Variants in MEGF8 observed in about 807,000 individuals in gnomAD.
The protein encoded by MEGF8 is multiple epidermal growth factor-like domains protein 8.
A neutral mutation model predicts 302.9 loss-of-function variants in MEGF8; 156 were observed. That is an observed-to-expected ratio of 0.52 (90% CI 0.45 to 0.59). The LOEUF (loss-of-function observed/expected upper bound fraction) is 0.59. Among genes scored for constraint, MEGF8 ranks in the 20% least tolerant of loss-of-function variants. MEGF8 has a pLI of 0.00. For missense variants in MEGF8, 3,345 were observed against 3,964.5 expected (o/e 0.84, Z 4.20); for synonymous variants, 1,621 against 1,660.5 (o/e 0.98, Z 0.58).
intron 5 of MEGF8, 107 bp downstream of exon 5, chr19:42,335,492 C>G: frequency 3.0e-6 from 3 of 984,014 alleles, no homozygotes; most frequent in Non-Finnish European, 4.6e-6. Context: ...GTTCCTGCAG[C>G]TTGATATAGG....
Position 42,326,110 on chromosome 19 carries a change from C to T in MEGF8, c.-134C>T, listed in dbSNP as rs2038980106. ...ACCCTTCGCCGGGACTGCCGGGTCT[C>T]CGGGACCTCTTCGATCTACAAGGTC... On this transcript the variant is annotated 5_prime_UTR_variant, in exon 1 of 42. Coordinates refer to ENST00000251268, the MANE Select transcript of MEGF8 (RefSeq NM_001271938.2). 4 of 1,343,864 alleles carry T rather than the reference C, an allele frequency of 3.0e-6. 1 individual carries two copies. In the South Asian group the frequency reaches 7.9e-5, roughly 26 times the overall value. The allele number at this position is 1,343,864 out of a possible 1,614,324, so 83.2% of individuals were successfully genotyped here.
intron 8 of MEGF8, among the ~76,000 whole-genome samples, chr19:42,339,535 A>T (rs1011985320): frequency 6.6e-6 from 1 of 152,088 alleles, no homozygotes; most frequent in Non-Finnish European, 1.5e-5. Flanking sequence ...ATGTCTGTTC[A>T]TGTCCTTTGT....
Position 42,352,194 on chromosome 19 carries a change from C to T in MEGF8, c.3102-14C>T, listed in dbSNP as rs2039384642. 6.6e-7 allele frequency: 1 copy of T among 1,508,320 alleles called. No individual in the cohort carries two copies. The highest frequency in any genetic ancestry group is 1.3e-5 in the South Asian group (1 of 78,064). The allele number at this position is 1,508,320 out of a possible 1,614,324, so 93.4% of individuals were successfully genotyped here. A position where few individuals can be genotyped will look rare whatever the true frequency, so the allele number is the denominator to read the frequency against. On this transcript the variant is annotated splice_polypyrimidine_tract_variant and intron_variant, in intron 18 of 41. Coordinates refer to ENST00000251268, the MANE Select transcript of MEGF8 (RefSeq NM_001271938.2). The surrounding 1 kb of genome is among the most constrained non-coding windows in gnomAD (Gnocchi z 4.4). ...CTATGTTGTCCCCCGCTTCTTCACT[C>T]TCCCACCCTGCAGGTGCCTACAGGG...
Position 42,348,341 on chromosome 19 carries a change from C to G in MEGF8, c.2167C>G (p.Arg723Gly). The G allele has an allele frequency of 6.5e-7, 1 of 1,537,504 alleles. No homozygotes were observed. Among genetic ancestry groups the G allele is most frequent in the Non-Finnish European group, 8.7e-7 (1 of 1,146,972 alleles). Reference sequence around the variant, plus strand: ...AGAGACAGATGTGTCCCTGGTCTACCGTGGCTTCATCTACCCAATGCTGCC... The same window carrying G: ...AGAGACAGATGTGTCCCTGGTCTACGGTGGCTTCATCTACCCAATGCTGCC... Reference protein sequence around the residue: ...SAETDVSLVYRGFIYPMLPGG... With the variant: ...SAETDVSLVYGGFIYPMLPGG... The change falls in exon 13 of 42, where the codon CGT (arginine) becomes GGT (glycine). Residue 723 changes from arginine (R) to glycine (G), a missense_variant. Arg to Gly is a moderately radical substitution (Grantham distance 125). Coordinates refer to ENST00000251268, the MANE Select transcript of MEGF8 (RefSeq NM_001271938.2).
At chr19:42,339,544 G>A (rs1371163275) in intron 8 of MEGF8, among the ~76,000 whole-genome samples, 1 of 152,098 alleles carries the variant, frequency 6.6e-6, no homozygotes, top group African/African-American at 2.4e-5. Flanking sequence ...CATGTCCTTT[G>A]TCTACTTTTT....
chr19:42,360,809 T>G lies in MEGF8; in HGVS notation c.5523T>G (p.Ser1841=), dbSNP rs1224931768. Residue 1841 remains serine, a synonymous_variant, in exon 32 of 42, where the codon TCT becomes TCG. Coordinates refer to ENST00000251268, the MANE Select transcript of MEGF8 (RefSeq NM_001271938.2). The part of the protein sequence containing the change: ...SASVGPPMEE[S]VAHAVAAVGS... The stretch of plus-strand genomic sequence containing the variant: ...CTGTGGGGCCCCCAATGGAGGAGTC[T>G]GTGGCCCATGCTGTGGCAGCAGTCG... The G allele has an allele frequency of 5.0e-6, 8 of 1,603,660 alleles. No individual in the cohort carries two copies. In the East Asian group the frequency reaches 1.8e-4, roughly 36 times the overall value.
chr19:42,337,317 A>G (rs958002778), intron 8 of MEGF8, 111 bp downstream of exon 8: 28 of 1,468,690 alleles, frequency 1.9e-5, no homozygotes, highest in Middle Eastern at 2.5e-4. Flanking sequence ...CATCCAGGCC[A>G]GTTGGTGCCA....
At position 42,354,059 on chromosome 19, in the gene MEGF8, A is replaced by G; in HGVS notation, c.4011+35A>G. ...GAGGAAACGAGGGTTCAGGCGCATGAGCCAGAACCGTGTCCCCTGACCCAG... is the reference window on the plus strand; with the variant it reads ...GAGGAAACGAGGGTTCAGGCGCATGGGCCAGAACCGTGTCCCCTGACCCAG... On this transcript the variant is annotated intron_variant, in intron 22 of 41. Transcript: ENST00000251268. The surrounding 1 kb of genome is among the most constrained non-coding windows in gnomAD (Gnocchi z 4.3). The G allele has an allele frequency of 6.4e-7, 1 of 1,565,598 alleles. No individual in the cohort carries two copies.
In MEGF8 at chr19:42,353,981, C is replaced by A. The variant is rs189681080; in HGVS notation, c.3968C>A (p.Pro1323Gln). The stretch of plus-strand genomic sequence containing the variant: ...TGTGCTCCCGGGACCCTCTGTCCCC[C>A]ACTCACCCTCACCTTCTCCCCCGAC... ...QPCAPGTLCP[P>Q]LTLTFSPDSS... Residue 1323 changes from proline (P) to glutamine (Q), a missense_variant, in exon 22 of 42, where the codon CCA (proline) becomes CAA (glutamine). By Grantham distance (76) the Pro-to-Gln change is moderately conservative. Coordinates refer to ENST00000251268, the MANE Select transcript of MEGF8 (RefSeq NM_001271938.2). This position sits in a 1 kb window ranked among gnomAD's most constrained non-coding sequence, Gnocchi z 6.1. 1.8e-5 allele frequency: 28 copies of A among 1,582,404 alleles called. No individual in the cohort carries two copies. The highest frequency in any genetic ancestry group is 2.1e-5 in the Non-Finnish European group (25 of 1,164,668).
chr19:42,376,883 T>C lies in MEGF8; in HGVS notation c.*108T>C. The C allele has an allele frequency of 7.9e-7, 1 of 1,260,660 alleles. No individual in the cohort carries two copies. Among genetic ancestry groups the C allele is most frequent in the East Asian group, 2.9e-5 (1 of 35,072 alleles). The allele number at this position is 1,260,660 out of a possible 1,614,324, so 78.1% of individuals were successfully genotyped here. Reference sequence around the variant, plus strand: ...TGGACACTGTCTACTTGGAGACCACTGGCCCCCTTCCCCCAGGGTTGCCCA... The same window carrying C: ...TGGACACTGTCTACTTGGAGACCACCGGCCCCCTTCCCCCAGGGTTGCCCA... On this transcript the variant is annotated 3_prime_UTR_variant, in exon 42 of 42. Coordinates refer to ENST00000251268, the MANE Select transcript of MEGF8 (RefSeq NM_001271938.2). The surrounding 1 kb of genome is among the most constrained non-coding windows in gnomAD (Gnocchi z 8.2).
rs1195649417 is a variant in MEGF8 at position 42,354,684 on chromosome 19, C to T, written c.4108C>T (p.Arg1370Ter). ...CCTCATAGCTGCCTTCTGCGGCCAG[C>T]GACGGGACAGGCCCCTCACTGTTCA... ...RSLIAAFCGQ[R>*]RDRPLTVQAL... The change falls in exon 23 of 42, where the codon CGA becomes TGA. Residue 1370 changes from arginine to a stop codon, truncating the protein, a stop_gained. Coordinates refer to ENST00000251268, the MANE Select transcript of MEGF8 (RefSeq NM_001271938.2). LOFTEE classifies it high-confidence loss of function. The surrounding 1 kb of genome is among the most constrained non-coding windows in gnomAD (Gnocchi z 4.3). The T allele has an allele frequency of 2.5e-6, 4 of 1,609,984 alleles. No homozygotes were observed. The highest frequency in any genetic ancestry group is 3.4e-6 in the Non-Finnish European group (4 of 1,179,702).
intron 40 of MEGF8, among the ~76,000 whole-genome samples, 177 bp from the exon 41 acceptor site, chr19:42,371,173 C>T (rs1001551124): frequency 1.3e-5 from 2 of 152,094 alleles, no homozygotes; most frequent in Admixed American, 6.6e-5. Flanking sequence ...CTGTGCAACT[C>T]GGGTTCTAAT....
In MEGF8 at chr19:42,336,665, A is replaced by AGTT; in HGVS notation, c.1245-142_1245-141insGTT. On this transcript the variant is annotated intron_variant, in intron 6 of 41. Coordinates refer to ENST00000251268, the MANE Select transcript of MEGF8 (RefSeq NM_001271938.2). This position sits in a 1 kb window ranked among gnomAD's most constrained non-coding sequence, Gnocchi z 4.8. ...TCAGAGATGACTCAGGGTCCTGCCC[A>AGTT]CAGGGAACTTCTAGTTTGGAGGGGA... 7.8e-7 allele frequency: 1 copy of AGTT among 1,278,308 alleles called. No individual in the cohort carries two copies. Among genetic ancestry groups the AGTT allele is most frequent in the Non-Finnish European group, 1.1e-6 (1 of 943,180 alleles). 79.2% of individuals were successfully genotyped at this position (1,278,308 alleles called of 1,614,324 possible).
intron 13 of MEGF8, 104 bp from the exon 14 acceptor site, chr19:42,349,394 TC>T: frequency 2.0e-6 from 2 of 1,014,032 alleles, no homozygotes; most frequent in Non-Finnish European, 2.8e-6. Context: ...GAGGCCCTCT[TC>T]TTAGGAGGGG....
At position 42,353,944 on chromosome 19, in the gene MEGF8, G is replaced by T. The variant is rs761406257; in HGVS notation, c.3931G>T (p.Glu1311Ter). The change falls in exon 22 of 42, where the codon GAG becomes TAG. Residue 1311 changes from glutamate to a stop codon, truncating the protein, a stop_gained. Transcript: ENST00000251268. LOFTEE classifies it high-confidence loss of function. This position sits in a 1 kb window ranked among gnomAD's most constrained non-coding sequence, Gnocchi z 6.1. ...TGTGTGGGTTGTCTCGGCCACTGAG[G>T]AGCTACAGCCCTGTGCTCCCGGGAC... ...YCVWVVSATE[E>*]LQPCAPGTLC... 6.3e-7 allele frequency: 1 copy of T among 1,585,428 alleles called. No individual in the cohort carries two copies. Among genetic ancestry groups the T allele is most frequent in the African/African-American group, 1.3e-5 (1 of 74,258 alleles).
chr19:42,346,943 T>TCAC (rs1409989632), intron 12 of MEGF8, among the ~76,000 whole-genome samples: 1 of 132,262 alleles, frequency 7.6e-6, no homozygotes, highest in Non-Finnish European at 1.5e-5. Flanking sequence ...TGAGATCATG[T>TCAC]CACTGCACTC....
chr19:42,375,969 G>A lies in MEGF8; in HGVS notation c.7732G>A (p.Val2578Met), dbSNP rs778897649. 12 of 1,606,752 alleles carry A rather than the reference G, an allele frequency of 7.5e-6. No individual in the cohort carries two copies. Among genetic ancestry groups the A allele is most frequent in the Admixed American group, 3.3e-5 (2 of 59,732 alleles). Residue 2578 changes from valine (V) to methionine (M), a missense_variant, in exon 42 of 42, where the codon GTG (valine) becomes ATG (methionine). Coordinates refer to ENST00000251268, the MANE Select transcript of MEGF8 (RefSeq NM_001271938.2). This position sits in a 1 kb window ranked among gnomAD's most constrained non-coding sequence, Gnocchi z 7.1. ...EVWPRGLITY[V>M]TVTEPSAVLV... ...ATGGCCGCGGGGCCTGATTACCTACGTGACGGTGACGGAGCCGTCGGCAGT... is the reference window on the plus strand; with the variant it reads ...ATGGCCGCGGGGCCTGATTACCTACATGACGGTGACGGAGCCGTCGGCAGT...
Position 42,359,247 on chromosome 19 carries a change from G to C in MEGF8, c.5488+5G>C. 3 of 1,546,992 alleles carry C rather than the reference G, an allele frequency of 1.9e-6. No individual in the cohort carries two copies. The highest frequency in any genetic ancestry group is 2.6e-6 in the Non-Finnish European group (3 of 1,146,254). ...GGCTTCTGCCCGACCTCACCCGTAA[G>C]TCCCCATTGTGGCTCCCAGGAGGCT... On this transcript the variant is annotated splice_donor_5th_base_variant and intron_variant, in intron 31 of 41. Coordinates refer to ENST00000251268, the MANE Select transcript of MEGF8 (RefSeq NM_001271938.2).
At chr19:42,345,801 CTGT>C (rs1350525635) in intron 12 of MEGF8, among the ~76,000 whole-genome samples, 1 of 152,198 alleles carries the variant, frequency 6.6e-6, no homozygotes, top group Non-Finnish European at 1.5e-5. Flanking sequence ...ATTCTTGTGG[CTGT>C]ATACCTAGGA....
Sources: allele counts gnomAD v4.1 joint callset (sites outside exome capture counted in the v4.1 genomes callset), GRCh38; gene constraint gnomAD v4.1.1; non-coding constraint Gnocchi (gnomAD v3.1); transcripts MANE v1.5; gene names NCBI Gene and HGNC (gene_info 2026-07-23, HGNC 2026-07-21).